The following OR4F16 variants were observed in gnomAD, a reference collection of about 807,000 sequenced individuals.
OR4F16 encodes olfactory receptor 4F3/4F16/4F29.
At chr1:708,431 C>T in the OR4F16 span, among the ~76,000 whole-genome samples, 1 of 141,070 alleles carries the variant, frequency 7.1e-6, no homozygotes, top group Non-Finnish European at 1.5e-5. Context: ...CTTAAAGTTG[C>T]AAAAATAAAC....
the OR4F16 span, among the ~76,000 whole-genome samples, chr1:714,023 TACAC>T: frequency 4.8e-5 from 7 of 146,132 alleles, no homozygotes; most frequent in Admixed American, 2.8e-4. Context: ...TACATGTGCA[TACAC>T]ACACTGTATG....
upstream of OR4F16, among the ~76,000 whole-genome samples, chr1:690,832 T>C (rs1354988575): frequency 4.1e-5 from 6 of 147,948 alleles, no homozygotes; most frequent in African/African-American, 1.6e-4. Flanking sequence ...ATTTTAGTAT[T>C]CAATTATACA....
chr1:679,975 C>A, the OR4F16 span, among the ~76,000 whole-genome samples: 1 of 135,316 alleles, frequency 7.4e-6, no homozygotes, highest in African/African-American at 3.0e-5. Flanking sequence ...CAATAAAATA[C>A]TGGCAAACCA....
chr1:702,365 A>G, the OR4F16 span: 2 of 151,478 alleles, frequency 1.3e-5, no homozygotes, highest in Non-Finnish European at 2.9e-5. Context: ...AAAGAAAAAA[A>G]AAAACCACCG....
At chr1:715,640 CT>C in the OR4F16 span, among the ~76,000 whole-genome samples, 3 of 97,700 alleles carry the variant, frequency 3.1e-5, no homozygotes, top group African/African-American at 4.5e-5. Context: ...CCAGACCAGC[CT>C]GAGAATTTGG....
chr1:701,297 C>A, the OR4F16 span, among the ~76,000 whole-genome samples: 1 of 149,366 alleles, frequency 6.7e-6, no homozygotes, highest in African/African-American at 2.5e-5. Flanking sequence ...GGAAAACGCA[C>A]CAAAGTCATA....
At chr1:717,302 G>A in the OR4F16 span, among the ~76,000 whole-genome samples, 3 of 151,152 alleles carry the variant, frequency 2.0e-5, no homozygotes, top group Non-Finnish European at 4.4e-5. Flanking sequence ...CTGATTTCTC[G>A]GCAGAAACCT....
upstream of OR4F16, among the ~76,000 whole-genome samples, chr1:690,842 A>G (rs1643050853): frequency 6.7e-6 from 1 of 148,160 alleles, no homozygotes; most frequent in African/African-American, 2.6e-5. Context: ...TCAATTATAC[A>G]ATGGAGAAAT....
At chr1:701,257 T>C in the OR4F16 span, among the ~76,000 whole-genome samples, 2 of 147,756 alleles carry the variant, frequency 1.4e-5, no homozygotes, top group Non-Finnish European at 3.0e-5. Context: ...GCTTTAAGGA[T>C]AATGAGAAAA....
At chr1:715,856 G>C in the OR4F16 span, among the ~76,000 whole-genome samples, 1 of 151,150 alleles carries the variant, frequency 6.6e-6, no homozygotes, top group African/African-American at 2.5e-5. Context: ...AAATCACTAA[G>C]CAAAATAAGA....
chr1:701,708 T>C, the OR4F16 span, among the ~76,000 whole-genome samples: 2 of 149,746 alleles, frequency 1.3e-5, no homozygotes, highest in Admixed American at 1.3e-4. Flanking sequence ...CAGTTATAAG[T>C]GGGAGCTAAA....
chr1:718,886 G>A, the OR4F16 span, among the ~76,000 whole-genome samples: 305 of 100,354 alleles, frequency 3.0e-3, no homozygotes, highest in African/African-American at 6.6e-3. Context: ...ACACCATCAC[G>A]CCTGGCTAAT....
chr1:717,214 A>T, the OR4F16 span, among the ~76,000 whole-genome samples: 1 of 150,768 alleles, frequency 6.6e-6, no homozygotes, highest in Non-Finnish European at 1.5e-5. Flanking sequence ...ACAAACAAAA[A>T]AAAAGATAAT....
At chr1:690,856 AG>A (rs1341182053), upstream of OR4F16, among the ~76,000 whole-genome samples, 4 of 148,318 alleles carry the variant, frequency 2.7e-5, no homozygotes, top group African/African-American at 7.8e-5. Flanking sequence ...GAGAAATCGT[AG>A]GGAACAATAA....
upstream of OR4F16, among the ~76,000 whole-genome samples, chr1:691,582 A>AT (rs1643068132): frequency 1.5e-5 from 2 of 135,242 alleles, no homozygotes; most frequent in African/African-American, 5.6e-5. Flanking sequence ...ACCACTTCAG[A>AT]TAACACTGGA....
chr1:708,487 CATAAAA>C, the OR4F16 span, among the ~76,000 whole-genome samples: 1 of 130,186 alleles, frequency 7.7e-6, no homozygotes, highest in Non-Finnish European at 1.5e-5. Context: ...AGTGGAATAA[CATAAAA>C]ATAAAAACAA....
chr1:680,349 A>T, the OR4F16 span, among the ~76,000 whole-genome samples: 1 of 16,010 alleles, frequency 6.2e-5, no homozygotes, highest in Non-Finnish European at 1.4e-4. Flanking sequence ...TAGTATTGGA[A>T]GTTCTGGCCA....
At chr1:717,150 G>T in the OR4F16 span, among the ~76,000 whole-genome samples, 1 of 146,096 alleles carries the variant, frequency 6.8e-6, no homozygotes, top group African/African-American at 2.5e-5. Context: ...TTGTATACAT[G>T]TATCAAAATA....
At chr1:701,886 T>C in the OR4F16 span, 1 of 151,548 alleles carries the variant, frequency 6.6e-6, no homozygotes, top group African/African-American at 2.4e-5. Context: ...AGTCTACCTA[T>C]GTAACAAATG....
Sources: allele counts gnomAD v4.1 joint callset (sites outside exome capture counted in the v4.1 genomes callset), GRCh38; gene constraint gnomAD v4.1.1; transcripts MANE v1.5; gene names NCBI Gene and HGNC (gene_info 2026-07-23, HGNC 2026-07-21).